Variants in STS observed in about 807,000 individuals in gnomAD.
The protein encoded by STS is steroid sulfatase, also known as steryl-sulfatase.
In STS, 7 loss-of-function variants were observed where a neutral mutation model predicts 26.8. That is an observed-to-expected ratio of 0.26 (90% CI 0.15 to 0.49). The LOEUF is 0.49. Among genes scored for constraint, STS ranks in the 20% least tolerant of loss-of-function variants. The probability of loss-of-function intolerance (pLI) is 0.98; values close to 1 mark genes in which losing one functional copy is unlikely to be tolerated. For synonymous variants in STS, 199 were observed against 189.4 expected (o/e 1.05, Z -0.42); for missense variants, 434 against 465.6 (o/e 0.93, Z 0.63).
chrX:7,288,575 AC>A (rs1410397728), intron 7 of STS, among the ~76,000 whole-genome samples: 4 of 109,370 alleles, frequency 3.7e-5, no homozygotes, highest in African/African-American at 1.3e-4. Context: ...TTGTATTTTC[AC>A]CCAATATGTA....
chrX:7,202,924 A>G (rs188365589), intron 2 of STS, among the ~76,000 whole-genome samples: 28 of 108,541 alleles, frequency 2.6e-4, no homozygotes, highest in African/African-American at 9.1e-4. Flanking sequence ...CTCTGTGTCT[A>G]TCTCTCTCTA....
intron 1 of STS, among the ~76,000 whole-genome samples, chrX:7,163,455 G>A (rs1473114324): frequency 8.9e-6 from 1 of 112,146 alleles, no homozygotes; most frequent in Non-Finnish European, 1.9e-5. Context: ...TGTCACAGCT[G>A]GTTTGACCTG....
chrX:7,271,907 A>G (rs1356763820), intron 6 of STS, among the ~76,000 whole-genome samples: 2 of 109,896 alleles, frequency 1.8e-5, no homozygotes, highest in Non-Finnish European at 3.8e-5. Context: ...AGAACTGGGG[A>G]TGCCTGGCTT....
In STS at chrX:7,349,955, T is replaced by C. The variant is rs1206796951; in HGVS notation, c.1431T>C (p.Phe477=). ...NFNPVGSNGC[F]ATHVCFCFGS... ...ACCCCGTGGGTTCCAACGGATGCTT[T>C]GCCACACACGTGTGCTTCTGTTTCG... is the stretch of plus-strand genomic sequence containing the variant. The change falls in exon 11 of 11, where the codon TTT becomes TTC. Residue 477 remains phenylalanine (F), a synonymous_variant. Transcript: ENST00000674429. The C allele has an allele frequency of 8.3e-7, 1 of 1,210,252 alleles. No homozygotes were observed. Among genetic ancestry groups the C allele is most frequent in the Non-Finnish European group, 1.1e-6 (1 of 895,250 alleles).
rs768177499 is a variant in STS at position 7,257,412 on chromosome X, C to A, written c.259+49C>A. 8 of 1,212,150 alleles carry A rather than the reference C, an allele frequency of 6.6e-6. No individual in the cohort carries two copies. In the South Asian group the frequency reaches 1.2e-4, roughly 19 times the overall value. On this transcript the variant is annotated intron_variant, in intron 4 of 10. Coordinates refer to ENST00000674429, the MANE Select transcript of STS (RefSeq NM_001320752.2). The stretch of plus-strand genomic sequence containing the variant: ...GGGCTGTGGTCACCTTCGGGACAGT[C>A]TCCCACCTCGAGGTATCTCCTGGTT...
At chrX:7,324,178 G>A (rs1271388645) in intron 8 of STS, among the ~76,000 whole-genome samples, 1 of 109,953 alleles carries the variant, frequency 9.1e-6, no homozygotes, top group African/African-American at 3.3e-5. Flanking sequence ...GGGGTGGGGG[G>A]TGAGGAGGCT....
At chrX:7,281,475 G>A (rs1324991097) in intron 7 of STS, among the ~76,000 whole-genome samples, 1 of 111,801 alleles carries the variant, frequency 8.9e-6, no homozygotes, top group African/African-American at 3.3e-5. Flanking sequence ...CCAACCTGGA[G>A]GAAAAATAAG....
intron 2 of STS, among the ~76,000 whole-genome samples, chrX:7,240,458 C>T (rs1049684118): frequency 1.1e-4 from 8 of 70,292 alleles, no homozygotes; most frequent in Non-Finnish European, 2.3e-4. Context: ...CTCCAAGGAG[C>T]GCGCGCGCAC....
chrX:7,289,005 C>G (rs1447152811), intron 7 of STS, among the ~76,000 whole-genome samples: 3 of 111,363 alleles, frequency 2.7e-5, no homozygotes, highest in Non-Finnish European at 5.7e-5. Context: ...TACACTGTCA[C>G]TGCAGGAGAT....
chrX:7,183,709 A>C (rs1933723031), intron 1 of STS, among the ~76,000 whole-genome samples: 2 of 112,186 alleles, frequency 1.8e-5, no homozygotes, highest in Admixed American at 1.9e-4. Context: ...AGCTCTTTCA[A>C]AATTGTAATA....
At chrX:7,318,280 G>A (rs1214314272) in intron 8 of STS, among the ~76,000 whole-genome samples, 1 of 111,165 alleles carries the variant, frequency 9.0e-6, no homozygotes. Flanking sequence ...GTGGTGCCCG[G>A]GAGAGCAGAT....
intron 10 of STS, among the ~76,000 whole-genome samples, chrX:7,348,342 T>C (rs756805673): frequency 5.0e-4 from 56 of 112,182 alleles, no homozygotes; most frequent in Non-Finnish European, 9.9e-4. Flanking sequence ...GAAATGCCTA[T>C]AATTACAAAA....
intron 6 of STS, among the ~76,000 whole-genome samples, chrX:7,266,758 C>T (rs1203425303): frequency 5.3e-5 from 6 of 112,241 alleles, no homozygotes; most frequent in African/African-American, 9.7e-5. Flanking sequence ...TCACAGCTTT[C>T]GGTTTTGCCA....
chrX:7,160,276 C>T (rs770578432), intron 1 of STS, among the ~76,000 whole-genome samples: 24 of 111,911 alleles, frequency 2.1e-4, no homozygotes, highest in Middle Eastern at 4.6e-3. Flanking sequence ...CTCTGGGAGG[C>T]GGAGTTTTAA....
At chrX:7,346,114 T>C (rs922606390) in intron 10 of STS, among the ~76,000 whole-genome samples, 1 of 112,104 alleles carries the variant, frequency 8.9e-6, no homozygotes, top group Non-Finnish European at 1.9e-5. Flanking sequence ...AAGATAGCTG[T>C]TTTAGGATCC....
intron 2 of STS, among the ~76,000 whole-genome samples, chrX:7,191,433 A>C (rs1212584558): frequency 8.9e-6 from 1 of 112,286 alleles, no homozygotes; most frequent in East Asian, 2.8e-4. Context: ...AACATGGCAC[A>C]GTGGGAAGGC....
intron 2 of STS, among the ~76,000 whole-genome samples, chrX:7,216,426 A>T (rs1163811105): frequency 8.9e-6 from 1 of 112,279 alleles, no homozygotes; most frequent in African/African-American, 3.2e-5. Context: ...CTTAGTAAGG[A>T]GGGACTTTTA....
intron 1 of STS, among the ~76,000 whole-genome samples, chrX:7,188,810 G>A (rs1246929017): frequency 9.0e-6 from 1 of 111,664 alleles, no homozygotes; most frequent in East Asian, 2.8e-4. Flanking sequence ...ACGCCCAATT[G>A]TTCAAACCCA....
rs1435239087 is a variant in STS, at chrX:7,318,423, T to C, written c.1082-6916T>C. Among the ~76,000 whole-genome samples, 8 of 111,506 alleles carry C rather than the reference T, an allele frequency of 7.2e-5. No homozygotes were observed. The Admixed American group carries it at 7.6e-4, about 11-fold the overall frequency. Reference sequence around the variant, plus strand: ...TTGCTCATCAACACATGCCTGCAAATGTGTGATCATGCTTCCTCCAACATG... The same window carrying C: ...TTGCTCATCAACACATGCCTGCAAACGTGTGATCATGCTTCCTCCAACATG... On this transcript the variant is annotated intron_variant, in intron 8 of 10. Coordinates refer to ENST00000674429, the MANE Select transcript of STS (RefSeq NM_001320752.2).
Sources: gnomAD v4.1 joint callset for allele counts (sites outside exome capture counted in the v4.1 genomes callset) on GRCh38, gnomAD v4.1.1 for gene constraint, MANE v1.5 for transcripts, NCBI Gene and HGNC (gene_info 2026-07-23, HGNC 2026-07-21) for gene names.